Variants in PRDM8 observed in about 807,000 individuals in gnomAD.
PRDM8 encodes PR domain zinc finger protein 8.
A neutral mutation model predicts 46.5 loss-of-function variants in PRDM8; 13 were observed. That is an observed-to-expected ratio of 0.28 (90% CI 0.18 to 0.44). The LOEUF is 0.44. Among genes scored for constraint, PRDM8 ranks in the 20% least tolerant of loss-of-function variants. PRDM8 has a pLI of 1.00. For synonymous variants in PRDM8, 473 were observed against 438.4 expected (o/e 1.08, Z -0.98); for missense variants, 998 against 955.0 (o/e 1.04, Z -0.59).
rs144648245 is a variant in PRDM8, at chr4:80,203,684, C to T, written c.*152C>T. 164 of 1,344,496 alleles carry T rather than the reference C, an allele frequency of 1.2e-4. No homozygotes were observed. In the Middle Eastern group the frequency reaches 3.0e-3, roughly 24 times the overall value. The allele number at this position is 1,344,496 out of a possible 1,614,324, so 83.3% of individuals were successfully genotyped here. ...CGCCCCCCCGCCCCCCCAACGCGCA[C>T]ACACACGTCCTCTCCTCCCAGGAAC... is the stretch of plus-strand genomic sequence containing the variant. On this transcript the variant is annotated 3_prime_UTR_variant, in exon 4 of 4. Coordinates refer to ENST00000415738, the MANE Select transcript of PRDM8 (RefSeq NM_001099403.2).
upstream of PRDM8, chr4:80,194,283 T>C: frequency 1.1e-6 from 1 of 906,102 alleles, no homozygotes; most frequent in Non-Finnish European, 1.3e-6. Context: ...AATTACTTAA[T>C]TGGAAATAAA....
chr4:80,190,610 C>T (rs1334728983), intron 1 of PRDM8, among the ~76,000 whole-genome samples: 1 of 152,196 alleles, frequency 6.6e-6, no homozygotes, highest in Non-Finnish European at 1.5e-5. Flanking sequence ...CCCGGTTTGC[C>T]AACATTGAAG....
intron 1 of PRDM8, 83 bp from the exon 2 acceptor site, chr4:80,199,996 A>C: frequency 1.8e-6 from 2 of 1,093,192 alleles, no homozygotes; most frequent in Admixed American, 2.0e-5. Flanking sequence ...AAATCTACCT[A>C]GTATTTGGAC....
chr4:80,196,235 C>T, upstream of PRDM8: 1 of 938,228 alleles, frequency 1.1e-6, no homozygotes, highest in Non-Finnish European at 1.3e-6. Flanking sequence ...TAGCTAGCTA[C>T]ACAATCCGAT....
At chr4:80,200,023 A>G in intron 1 of PRDM8, 56 bp from the exon 2 acceptor site, 1 of 1,431,142 alleles carries the variant, frequency 7.0e-7, no homozygotes, top group Non-Finnish European at 9.8e-7. Context: ...GCTTGGGTTA[A>G]TGGCGTTAAA....
chr4:80,197,476 C>A (rs1486931836), upstream of PRDM8: 24 of 985,750 alleles, frequency 2.4e-5, no homozygotes, highest in Non-Finnish European at 2.8e-5. Flanking sequence ...GTGCAGCAAA[C>A]AAAAAGTGTG....
rs1578268742 is a variant in PRDM8 at position 80,203,640 on chromosome 4, C to T, written c.*108C>T. ...CTTCCTTGCACCCCGAAACCCTGCA[C>T]AAAGACACATACATTCACCGCCCCC... On this transcript the variant is annotated 3_prime_UTR_variant, in exon 4 of 4. Coordinates refer to ENST00000415738, the MANE Select transcript of PRDM8 (RefSeq NM_001099403.2). 10 of 1,456,078 alleles carry T rather than the reference C, an allele frequency of 6.9e-6. No homozygotes were observed. In the East Asian group the frequency reaches 2.5e-4, roughly 36 times the overall value. The allele number at this position is 1,456,078 out of a possible 1,614,324, so 90.2% of individuals were successfully genotyped here.
Position 80,202,472 on chromosome 4 carries a change from T to C in PRDM8, c.1010T>C (p.Val337Ala). The C allele has an allele frequency of 6.8e-7, 1 of 1,460,280 alleles. No homozygotes were observed. Among genetic ancestry groups the C allele is most frequent in the East Asian group, 2.9e-5 (1 of 34,814 alleles). 90.5% of individuals were successfully genotyped at this position (1,460,280 alleles called of 1,614,324 possible). Residue 337 changes from valine to alanine, a missense_variant, in exon 4 of 4, where the codon GTA (valine) becomes GCA (alanine). Transcript: ENST00000415738. ...AGLVGGRGRF[V>A]ERPLPASKED... The stretch of plus-strand genomic sequence containing the variant: ...CTGGTAGGGGGCCGGGGCCGCTTCG[T>C]AGAGCGGCCCCTCCCGGCCTCCAAG...
At chr4:80,196,510 G>C, upstream of PRDM8, 1 of 985,414 alleles carries the variant, frequency 1.0e-6, no homozygotes, top group Non-Finnish European at 1.2e-6. Flanking sequence ...AAGTGGCTTA[G>C]CGCACAAACG....
chr4:80,185,967 C>T (rs1737043402), intron 1 of PRDM8, among the ~76,000 whole-genome samples: 1 of 152,186 alleles, frequency 6.6e-6, no homozygotes, highest in Non-Finnish European at 1.5e-5. Context: ...GCGCTGTCCA[C>T]CGAAGCTGGC....
At chr4:80,186,733 C>G (rs892441068) in intron 1 of PRDM8, among the ~76,000 whole-genome samples, 1 of 152,166 alleles carries the variant, frequency 6.6e-6, no homozygotes, top group African/African-American at 2.4e-5. Context: ...CTGATGCATG[C>G]GATATTGCCC....
upstream of PRDM8, chr4:80,197,056 G>A (rs1037211749): frequency 2.0e-6 from 2 of 985,322 alleles, no homozygotes; most frequent in Admixed American, 6.1e-5. Flanking sequence ...GTGGCTCCAG[G>A]GCTAGAGAAT....
chr4:80,197,148 G>A (rs1738020528), upstream of PRDM8: 2 of 985,412 alleles, frequency 2.0e-6, no homozygotes, highest in Admixed American at 1.2e-4. Flanking sequence ...CGCGCTGGGT[G>A]TCCAGCTCTC....
chr4:80,201,596 CGGCGCGTT>C (rs1738452735), intron 3 of PRDM8, 75 bp downstream of exon 3: 8 of 1,452,498 alleles, frequency 5.5e-6, no homozygotes, highest in African/African-American at 1.4e-5. Flanking sequence ...GGGGCTCACC[CGGCGCGTT>C]GGCGCGCCTT....
At chr4:80,199,609 A>G (rs1738266437) in intron 1 of PRDM8, among the ~76,000 whole-genome samples, 1 of 152,078 alleles carries the variant, frequency 6.6e-6, no homozygotes, top group African/African-American at 2.4e-5. Context: ...AGTTCAATAC[A>G]TAGGCAGACA....
intron 1 of PRDM8, among the ~76,000 whole-genome samples, chr4:80,189,187 G>C (rs1302940743): frequency 6.6e-6 from 1 of 152,198 alleles, no homozygotes; most frequent in Non-Finnish European, 1.5e-5. Flanking sequence ...TGGCCGCGGC[G>C]CTGGAGTTTA....
At chr4:80,197,394 G>A (rs1738042806), upstream of PRDM8, 2 of 977,882 alleles carry the variant, frequency 2.0e-6, no homozygotes, top group African/African-American at 1.8e-5. Context: ...GGCGGCGCCG[G>A]AGGGAGCGCC....
chr4:80,188,386 C>T lies in PRDM8; in HGVS notation c.-983+2868C>T, dbSNP rs115218400. 7.7e-3 allele frequency among the ~76,000 whole-genome samples: 1,176 copies of T among 152,226 alleles called. 16 individuals are homozygous for T. Among genetic ancestry groups the T allele is most frequent in the African/African-American group, 0.027 (1,133 of 41,512 alleles). On this transcript the variant is annotated intron_variant, in intron 1 of 9. Transcript: ENST00000339711. Reference sequence around the variant, plus strand: ...TATAATATCCCTATTTCACAGATCCCCCTGCTTCACAGGAAACAAAAGCAT... The same window carrying T: ...TATAATATCCCTATTTCACAGATCCTCCTGCTTCACAGGAAACAAAAGCAT...
upstream of PRDM8, among the ~76,000 whole-genome samples, chr4:80,192,570 A>G (rs1578246887): frequency 6.6e-6 from 1 of 152,350 alleles, no homozygotes; most frequent in East Asian, 1.9e-4. Flanking sequence ...AGAACTGGCT[A>G]CAACCAGTCA....
Sources: allele counts gnomAD v4.1 joint callset (sites outside exome capture counted in the v4.1 genomes callset), GRCh38; gene constraint gnomAD v4.1.1; transcripts MANE v1.5; gene names NCBI Gene and HGNC (gene_info 2026-07-23, HGNC 2026-07-21).